IL34: variants seen among roughly 807,000 people sequenced by gnomAD.
The protein encoded by IL34 is interleukin-34.
In IL34, 17 loss-of-function variants were observed where a neutral mutation model predicts 25.3. The observed-to-expected ratio is 0.67, with a 90% confidence interval of 0.46 to 1.01. The LOEUF (loss-of-function observed/expected upper bound fraction) is 1.01. Ranked by LOEUF, IL34 falls within the 50% of genes least tolerant of loss-of-function variation. IL34 has a pLI of 0.00. For missense variants in IL34, 368 were observed against 312.9 expected (o/e 1.18, Z -1.33); for synonymous variants, 174 against 140.9 (o/e 1.23, Z -1.66).
intron 1 of IL34, among the ~76,000 whole-genome samples, chr16:70,634,641 C>A (rs897284957): frequency 4.0e-5 from 6 of 150,790 alleles, no homozygotes; most frequent in African/African-American, 1.5e-4. Flanking sequence ...GATCGTGTCA[C>A]TGAACTCCAG....
At chr16:70,623,331 A>G (rs2051320208) in intron 1 of IL34, among the ~76,000 whole-genome samples, 1 of 152,218 alleles carries the variant, frequency 6.6e-6, no homozygotes, top group South Asian at 2.1e-4. Flanking sequence ...ATAGGAGAGT[A>G]TATGGGTTTG....
chr16:70,626,151 G>A (rs2051388935), intron 1 of IL34, among the ~76,000 whole-genome samples: 1 of 152,148 alleles, frequency 6.6e-6, no homozygotes. Flanking sequence ...TTACATTGTT[G>A]GCTTTTTCTT....
chr16:70,582,878 T>A (rs2050650332), intron 1 of IL34, among the ~76,000 whole-genome samples: 1 of 152,000 alleles, frequency 6.6e-6, no homozygotes, highest in South Asian at 2.1e-4. Flanking sequence ...GCTCCATGCT[T>A]AAGGATGAGG....
Position 70,646,740 on chromosome 16 carries a change from G to A in IL34, c.-208G>A, listed in dbSNP as rs576906053. On this transcript the variant is annotated 5_prime_UTR_variant, in exon 1 of 6. Coordinates refer to ENST00000288098, the MANE Select transcript of IL34 (RefSeq NM_001393494.1). ...GACTTGCGGCCACCGCCCCCCGGCT[G>A]TCCTCCACGCTGCCGGGCAGATAAG... is the stretch of plus-strand genomic sequence containing the variant. 187 of 503,136 alleles carry A rather than the reference G, an allele frequency of 3.7e-4. 2 individuals are homozygous for A. The highest frequency in any genetic ancestry group is 3.3e-3 in the African/African-American group (164 of 49,406). 31.2% of individuals were successfully genotyped at this position (503,136 alleles called of 1,614,324 possible).
intron 1 of IL34, among the ~76,000 whole-genome samples, chr16:70,647,421 C>G (rs904010079): frequency 1.3e-5 from 2 of 152,016 alleles, no homozygotes; most frequent in African/African-American, 4.8e-5. Context: ...GCCTGTTCCC[C>G]TCCAACCCTC....
At chr16:70,581,329 ATGAAGT>A (rs1311506063) in intron 1 of IL34, among the ~76,000 whole-genome samples, 2 of 152,032 alleles carry the variant, frequency 1.3e-5, no homozygotes, top group African/African-American at 4.8e-5. Context: ...CTGTCCGCTG[ATGAAGT>A]TGAGTTGCTT....
chr16:70,614,708 TCA>T (rs779157024), intron 1 of IL34, among the ~76,000 whole-genome samples: 7 of 152,220 alleles, frequency 4.6e-5, no homozygotes, highest in South Asian at 4.1e-4. Flanking sequence ...TCTTTGTGTC[TCA>T]CAGTGTCTTG....
At chr16:70,637,664 G>A (rs955798908) in intron 1 of IL34, among the ~76,000 whole-genome samples, 1 of 152,158 alleles carries the variant, frequency 6.6e-6, no homozygotes, top group African/African-American at 2.4e-5. Context: ...TCTATATGTG[G>A]TATGAGATAA....
At chr16:70,620,149 G>C (rs1757248519) in intron 1 of IL34, among the ~76,000 whole-genome samples, 1 of 152,130 alleles carries the variant, frequency 6.6e-6, no homozygotes, top group Admixed American at 6.6e-5. Flanking sequence ...TTTAATGTCG[G>C]GAGCACATTG....
intron 1 of IL34, among the ~76,000 whole-genome samples, chr16:70,600,760 A>T (rs1269980633): frequency 6.6e-6 from 1 of 152,154 alleles, no homozygotes; most frequent in Non-Finnish European, 1.5e-5. Context: ...TGGACGTGGA[A>T]AAAAGTATTT....
chr16:70,586,460 G>C (rs547442099), intron 1 of IL34, among the ~76,000 whole-genome samples: 1 of 152,188 alleles, frequency 6.6e-6, no homozygotes, highest in Non-Finnish European at 1.5e-5. Flanking sequence ...GGAGGCTGAG[G>C]TGGGAGGATT....
Position 70,660,082 on chromosome 16 carries a change from G to A in IL34, c.624G>A (p.Ala208=), listed in dbSNP as rs199910768. The change falls in exon 6 of 6, where the codon GCG becomes GCA. Residue 208 remains alanine (A), a synonymous_variant. Coordinates refer to ENST00000288098, the MANE Select transcript of IL34 (RefSeq NM_001393494.1). ...SCSPEPSLQY[A]ATQLYPPPPW... ...GCCCAGAGCCCTCATTGCAGTATGCGGCCACCCAGCTGTACCCTCCGCCCC... is the reference window on the plus strand; with the variant it reads ...GCCCAGAGCCCTCATTGCAGTATGCAGCCACCCAGCTGTACCCTCCGCCCC... 2.1e-5 allele frequency: 34 copies of A among 1,613,624 alleles called. No individual in the cohort carries two copies. The highest frequency in any genetic ancestry group is 8.9e-5 in the East Asian group (4 of 44,840).
chr16:70,626,886 A>G (rs1474916689), intron 1 of IL34, among the ~76,000 whole-genome samples: 1 of 152,054 alleles, frequency 6.6e-6, no homozygotes, highest in East Asian at 1.9e-4. Context: ...CTCTGTATGT[A>G]TTTGAGTCTA....
In IL34 at chr16:70,660,266, G is replaced by C; in HGVS notation, c.*79G>C. 7.5e-7 allele frequency: 1 copy of C among 1,333,070 alleles called. No individual in the cohort carries two copies. The allele number at this position is 1,333,070 out of a possible 1,614,324, so 82.6% of individuals were successfully genotyped here. On this transcript the variant is annotated 3_prime_UTR_variant, in exon 6 of 6. Transcript: ENST00000288098. ...TTCAACTGGGTCTGAGACTTCAAGG[G>C]GTGGTGGTGGGAGCCCCCCTTGGGA...
At chr16:70,650,069 G>A (rs1056160029) in intron 1 of IL34, among the ~76,000 whole-genome samples, 2 of 152,336 alleles carry the variant, frequency 1.3e-5, no homozygotes, top group East Asian at 3.9e-4. Flanking sequence ...AAAGTGCTGG[G>A]ATTACAGGTG....
rs761784434 is a variant in IL34, at chr16:70,646,934, C to T, written c.-14C>T. On this transcript the variant is annotated 5_prime_UTR_variant, in exon 1 of 6. The change creates a new upstream start codon in the 5' untranslated region. Transcript: ENST00000288098. ...GACGGCGCCTGAGCTCTCAGGGGGACGAGGAACACCACCATGCCCCGGGGC... is the reference window on the plus strand; with the variant it reads ...GACGGCGCCTGAGCTCTCAGGGGGATGAGGAACACCACCATGCCCCGGGGC... The T allele has an allele frequency of 3.1e-5, 46 of 1,478,298 alleles. No individual in the cohort carries two copies. Among genetic ancestry groups the T allele is most frequent in the African/African-American group, 8.9e-5 (6 of 67,622 alleles). The allele number at this position is 1,478,298 out of a possible 1,614,324, so 91.6% of individuals were successfully genotyped here. A position where few individuals can be genotyped will look rare whatever the true frequency, so the allele number is the denominator to read the frequency against.
At chr16:70,634,311 G>C (rs961579976) in intron 1 of IL34, among the ~76,000 whole-genome samples, 1 of 152,100 alleles carries the variant, frequency 6.6e-6, no homozygotes. Context: ...AGGCAGCACT[G>C]TTCAACCCAG....
At chr16:70,606,883 C>G (rs1890844998) in intron 1 of IL34, among the ~76,000 whole-genome samples, 1 of 152,132 alleles carries the variant, frequency 6.6e-6, no homozygotes, top group Non-Finnish European at 1.5e-5. Flanking sequence ...CCATCGTGCC[C>G]AGACAGTTCT....
intron 4 of IL34, among the ~76,000 whole-genome samples, chr16:70,657,532 G>T (rs957836507): frequency 2.0e-5 from 3 of 152,120 alleles, no homozygotes; most frequent in African/African-American, 7.2e-5. Flanking sequence ...GGCGGCTCAT[G>T]CCTGTAATCC....
Sources: allele counts gnomAD v4.1 joint callset (sites outside exome capture counted in the v4.1 genomes callset), GRCh38; gene constraint gnomAD v4.1.1; transcripts MANE v1.5; gene names NCBI Gene and HGNC (gene_info 2026-07-23, HGNC 2026-07-21).